Variants in SIX1 observed in about 807,000 individuals in gnomAD.
SIX1 encodes the protein homeobox protein SIX1.
Under a neutral mutation model 26.5 loss-of-function variants are expected in SIX1, and 11 were observed. That is an observed-to-expected ratio of 0.41 (90% confidence interval 0.26 to 0.69). SIX1 has a LOEUF of 0.69. Among genes scored for constraint, SIX1 ranks in the 30% least tolerant of loss-of-function variants. The probability of loss-of-function intolerance (pLI) is 0.28; values close to 1 mark genes in which losing one functional copy is unlikely to be tolerated. For synonymous variants in SIX1, 177 were observed against 166.2 expected, an observed-to-expected ratio of 1.06 and a Z score of -0.50; for missense variants, 333 against 365.9, an observed-to-expected ratio of 0.91 and a Z score of 0.73.
In SIX1 at chr14:60,645,749, T is replaced by C. The variant is rs1894927448; in HGVS notation, c.*534A>G. ...AATTTTTCCTCATCAAAGAAAGTTA[T>C]AGATTGTATTTTTCCTGTTCACCTT... On this transcript the variant is annotated 3_prime_UTR_variant, in exon 2 of 2. Coordinates refer to ENST00000645694, the MANE Select transcript of SIX1 (RefSeq NM_005982.4). This position sits in a 1 kb window ranked among gnomAD's most constrained non-coding sequence, Gnocchi z 4.6. The C allele has an allele frequency of 1.3e-5, 2 of 152,234 alleles. No individual in the cohort carries two copies. The highest frequency in any genetic ancestry group is 2.4e-5 in the African/African-American group (1 of 41,462). 9.4% of individuals were successfully genotyped at this position (152,234 alleles called of 1,614,324 possible).
At position 60,648,983 on chromosome 14, in the gene SIX1, G is replaced by A. The variant is rs1169502259; in HGVS notation, c.207C>T (p.Ile69=). ...HRGNFRELYK[I]LESHQFSPHN... is the part of the protein sequence containing the mutation. ...GAGGCGAGAACTGGTGGCTCTCCAG[G>A]ATCTTGTAGAGCTCACGGAAGTTGC... The change falls in exon 1 of 2, where the codon ATC becomes ATT. Residue 69 remains isoleucine (I), a synonymous_variant. Transcript: ENST00000645694. The surrounding 1 kb of genome is among the most constrained non-coding windows in gnomAD (Gnocchi z 7.9). The A allele has an allele frequency of 5.6e-6, 9 of 1,614,088 alleles. No homozygotes were observed. The highest frequency in any genetic ancestry group is 4.0e-5 in the African/African-American group (3 of 74,942).
In SIX1 at chr14:60,643,769, T is replaced by C. The variant is rs1894896818; in HGVS notation, c.*2514A>G. 6.6e-6 allele frequency: 1 copy of C among 152,234 alleles called. No individual in the cohort carries two copies. Among genetic ancestry groups the C allele is most frequent in the African/African-American group, 2.4e-5 (1 of 41,450 alleles). 9.4% of individuals were successfully genotyped at this position (152,234 alleles called of 1,614,324 possible). On this transcript the variant is annotated 3_prime_UTR_variant, in exon 2 of 2. Transcript: ENST00000645694. ...GCCGAGGATGGCGGAAGGAGGCACA[T>C]TGTGCAATTTCTTATTAAACACATC...
rs758631109 is a variant in SIX1 at position 60,648,778 on chromosome 14, C to G, written c.412G>C (p.Val138Leu). ...SYCFKEKSRG[V>L]LREWYAHNPY... The stretch of plus-strand genomic sequence containing the variant: ...TTGTGCGCGTACCACTCCCGCAGGA[C>G]ACCCCTCGACTTCTCCTTGAAGCAG... The change falls in exon 1 of 2, where the codon GTC (valine) becomes CTC (leucine). Residue 138 changes from valine to leucine, a missense_variant. Physicochemically the swap from Val to Leu is conservative, Grantham distance 32. This residue lies in a region of SIX1 where 199 missense variants were observed against 215.2 expected (regional missense o/e 0.92). Coordinates refer to ENST00000645694, the MANE Select transcript of SIX1 (RefSeq NM_005982.4). This position sits in a 1 kb window ranked among gnomAD's most constrained non-coding sequence, Gnocchi z 7.9. 1 of 1,614,184 alleles carries G rather than the reference C, an allele frequency of 6.2e-7. No individual in the cohort carries two copies. Among genetic ancestry groups the G allele is most frequent in the Non-Finnish European group, 8.5e-7 (1 of 1,180,008 alleles).
rs915194188 is a variant in SIX1 at position 60,646,425 on chromosome 14, A to G, written c.713T>C (p.Met238Thr). 2 of 1,614,048 alleles carry G rather than the reference A, an allele frequency of 1.2e-6. No homozygotes were observed. Among genetic ancestry groups the G allele is most frequent in the Non-Finnish European group, 8.5e-7 (1 of 1,180,016 alleles). ...QNSVLLLQGN[M>T]GHARSSNYSL... The stretch of plus-strand genomic sequence containing the variant: ...ATAGTTTGAGCTCCTGGCGTGGCCC[A>G]TATTGCCCTGCAGCAGAAGGACCGA... The change falls in exon 2 of 2, where the codon ATG (methionine) becomes ACG (threonine). Residue 238 changes from methionine (M) to threonine (T), a missense_variant. By Grantham distance (81) the Met-to-Thr change is moderately conservative. Around this residue, in one of 3 missense-constraint regions of SIX1, gnomAD observed 199 missense variants for 215.2 expected, o/e 0.92. Transcript: ENST00000645694.
rs918769923 is a variant in SIX1 at position 60,647,927 on chromosome 14, G to T, written c.560+703C>A. Among the ~76,000 whole-genome samples the T allele has an allele frequency of 1.3e-5, 2 of 152,248 alleles. No homozygotes were observed. Among genetic ancestry groups the T allele is most frequent in the African/African-American group, 4.8e-5 (2 of 41,468 alleles). On this transcript the variant is annotated intron_variant, in intron 1 of 1. Coordinates refer to ENST00000645694, the MANE Select transcript of SIX1 (RefSeq NM_005982.4). This position sits in a 1 kb window ranked among gnomAD's most constrained non-coding sequence, Gnocchi z 5.1. ...GACTGGAGACCCTTTCCTCGTCTGG[G>T]CATGCGGCGCGGTCAGCCAGACCGA...
Position 60,648,523 on chromosome 14 carries a change from G to A in SIX1, c.560+107C>T, listed in dbSNP as rs1039613398. Reference sequence around the variant, plus strand: ...GCGCGCCGCCCCGTGGACGGGCTCCGGCCGGCGGGGAGGACTTGGTGGCTG... The same window carrying A: ...GCGCGCCGCCCCGTGGACGGGCTCCAGCCGGCGGGGAGGACTTGGTGGCTG... On this transcript the variant is annotated intron_variant, in intron 1 of 1. Transcript: ENST00000645694. The surrounding 1 kb of genome is among the most constrained non-coding windows in gnomAD (Gnocchi z 7.9). 3.4e-6 allele frequency: 4 copies of A among 1,170,670 alleles called. No homozygotes were observed. The highest frequency in any genetic ancestry group is 4.9e-6 in the Non-Finnish European group (4 of 821,050). 72.5% of individuals were successfully genotyped at this position (1,170,670 alleles called of 1,614,324 possible).
Position 60,648,430 on chromosome 14 carries a change from A to T in SIX1, c.560+200T>A, listed in dbSNP as rs796622029. Among the ~76,000 whole-genome samples the T allele has an allele frequency of 3.9e-4, 60 of 152,296 alleles. No homozygotes were observed. The highest frequency in any genetic ancestry group is 1.4e-3 in the African/African-American group (59 of 41,578). The stretch of plus-strand genomic sequence containing the variant: ...ACCCACGCGCGGGTGCTCAAAGCAA[A>T]TGAGGCCCCATCCTTAGCAAGGAAC... On this transcript the variant is annotated intron_variant, in intron 1 of 1. Coordinates refer to ENST00000645694, the MANE Select transcript of SIX1 (RefSeq NM_005982.4). This position sits in a 1 kb window ranked among gnomAD's most constrained non-coding sequence, Gnocchi z 7.9.
At position 60,648,788 on chromosome 14, in the gene SIX1, C is replaced by T. The variant is rs151189392; in HGVS notation, c.402G>A (p.Lys134=). ...GEETSYCFKE[K]SRGVLREWYA... Reference sequence around the variant, plus strand: ...ACCACTCCCGCAGGACACCCCTCGACTTCTCCTTGAAGCAGTAGCTGGTCT... The same window carrying T: ...ACCACTCCCGCAGGACACCCCTCGATTTCTCCTTGAAGCAGTAGCTGGTCT... Residue 134 remains lysine (K), a synonymous_variant, in exon 1 of 2, where the codon AAG becomes AAA. Coordinates refer to ENST00000645694, the MANE Select transcript of SIX1 (RefSeq NM_005982.4). The surrounding 1 kb of genome is among the most constrained non-coding windows in gnomAD (Gnocchi z 7.9). 5.9e-5 allele frequency: 95 copies of T among 1,614,228 alleles called. No homozygotes were observed. The African/African-American group carries it at 1.1e-3, about 18-fold the overall frequency.
In SIX1 at chr14:60,649,080, A is replaced by G; in HGVS notation, c.110T>C (p.Leu37Pro). 1 of 1,613,688 alleles carries G rather than the reference A, an allele frequency of 6.2e-7. No homozygotes were observed. Reference sequence around the variant, plus strand: ...CTTGTGCAGGTGGTCGCAGGCGGGCAGTGACCACAGGAACCTGCCCAGGCG... The same window carrying G: ...CTTGTGCAGGTGGTCGCAGGCGGGCGGTGACCACAGGAACCTGCCCAGGCG... ...LERLGRFLWS[L>P]PACDHLHKNE... is the part of the protein sequence containing the mutation. The change falls in exon 1 of 2, where the codon CTG becomes CCG. Residue 37 changes from leucine to proline, a missense_variant. Transcript: ENST00000645694. The surrounding 1 kb of genome is among the most constrained non-coding windows in gnomAD (Gnocchi z 5.1).
In SIX1 at chr14:60,648,722, C is replaced by T. The variant is rs769379475; in HGVS notation, c.468G>A (p.Glu156=). The T allele has an allele frequency of 6.2e-7, 1 of 1,613,510 alleles. No individual in the cohort carries two copies. The highest frequency in any genetic ancestry group is 1.3e-5 in the African/African-American group (1 of 74,936). Residue 156 remains glutamate, a synonymous_variant, in exon 1 of 2, where the codon GAG becomes GAA. Coordinates refer to ENST00000645694, the MANE Select transcript of SIX1 (RefSeq NM_005982.4). The surrounding 1 kb of genome is among the most constrained non-coding windows in gnomAD (Gnocchi z 7.9). ...TGGTGAGGCCGGTGGCCTCGGCCAG[C>T]TCCCGCTTCTCACGCGGCGATGGGT... ...NPYPSPREKR[E]LAEATGLTTT... is the part of the protein sequence containing the mutation.
chr14:60,646,976 A>G (rs1894954178), intron 1 of SIX1, among the ~76,000 whole-genome samples: 1 of 152,394 alleles, frequency 6.6e-6, no homozygotes, highest in South Asian at 2.1e-4. Flanking sequence ...CTTTCAATAA[A>G]TAGATATTGG....
rs749690789 is a variant in SIX1 at position 60,649,174 on chromosome 14, A to C, written c.16T>G (p.Ser6Ala). 1.9e-6 allele frequency: 3 copies of C among 1,609,326 alleles called. No individual in the cohort carries two copies. The Admixed American group carries it at 5.0e-5, about 27-fold the overall frequency. Residue 6 changes from serine (S) to alanine (A), a missense_variant, in exon 1 of 2, where the codon TCG (serine) becomes GCG (alanine). Transcript: ENST00000645694. This position sits in a 1 kb window ranked among gnomAD's most constrained non-coding sequence, Gnocchi z 5.1. MSMLP[S>A]FGFTQEQVAC... ...ACTTGCTCCTGCGTAAAGCCAAACG[A>C]CGGCAGCATCGACATGGCTGGGGCC...
In SIX1 at chr14:60,643,805, G is replaced by A. The variant is rs1198572359; in HGVS notation, c.*2478C>T. The A allele has an allele frequency of 1.3e-5, 2 of 152,172 alleles. No homozygotes were observed. Among genetic ancestry groups the A allele is most frequent in the African/African-American group, 2.4e-5 (1 of 41,436 alleles). The allele number at this position is 152,172 out of a possible 1,614,324, so 9.4% of individuals were successfully genotyped here. On this transcript the variant is annotated 3_prime_UTR_variant, in exon 2 of 2. Transcript: ENST00000645694. ...CTTATTAAACACATCTGGAATATGC[G>A]CGCTCTGGATTTAGTGCCAGGGGTT...
chr14:60,649,396 C>T lies in SIX1; in HGVS notation c.-207G>A. The stretch of plus-strand genomic sequence containing the variant: ...AGTAGGGGAGGTTCTGGACACGGAA[C>T]GGCCGGCGCACTCAGTAGCCTTTAA... On this transcript the variant is annotated 5_prime_UTR_variant, in exon 1 of 2. Transcript: ENST00000645694. This position sits in a 1 kb window ranked among gnomAD's most constrained non-coding sequence, Gnocchi z 5.1. 1 of 576,702 alleles carries T rather than the reference C, an allele frequency of 1.7e-6. No homozygotes were observed. The highest frequency in any genetic ancestry group is 3.1e-6 in the Non-Finnish European group (1 of 324,140). The allele number at this position is 576,702 out of a possible 1,614,324, so 35.7% of individuals were successfully genotyped here.
Position 60,649,215 on chromosome 14 carries a change from C to A in SIX1, c.-26G>T, listed in dbSNP as rs756474637. 3.6e-5 allele frequency: 58 copies of A among 1,597,464 alleles called. No homozygotes were observed. Among genetic ancestry groups the A allele is most frequent in the Middle Eastern group, 1.7e-4 (1 of 5,788 alleles). ...GGCTGGGGCCTGCCGGGGCGCACGGCCCAGGCGCACGCGGCAGGGAGCAGA... is the reference window on the plus strand; with the variant it reads ...GGCTGGGGCCTGCCGGGGCGCACGGACCAGGCGCACGCGGCAGGGAGCAGA... On this transcript the variant is annotated 5_prime_UTR_variant, in exon 1 of 2. Transcript: ENST00000645694. The surrounding 1 kb of genome is among the most constrained non-coding windows in gnomAD (Gnocchi z 5.1).
intron 1 of SIX1, 98 bp from the exon 2 acceptor site, chr14:60,646,675 G>C: frequency 9.4e-7 from 1 of 1,060,492 alleles, no homozygotes; most frequent in Admixed American, 2.4e-5. Context: ...GGAGCTGGAA[G>C]GAGGAAAGGG....
At position 60,647,182 on chromosome 14, in the gene SIX1, G is replaced by C. The variant is rs1389583581; in HGVS notation, c.561-605C>G. Among the ~76,000 whole-genome samples the C allele has an allele frequency of 6.6e-6, 1 of 152,226 alleles. No individual in the cohort carries two copies. The highest frequency in any genetic ancestry group is 1.5e-5 in the Non-Finnish European group (1 of 68,032). Reference sequence around the variant, plus strand: ...CGGCCCAGTGACCTGAGTAAACACAGGGAGCGCAGCCAGTCTCTGATTTCA... The same window carrying C: ...CGGCCCAGTGACCTGAGTAAACACACGGAGCGCAGCCAGTCTCTGATTTCA... On this transcript the variant is annotated intron_variant, in intron 1 of 1. Coordinates refer to ENST00000645694, the MANE Select transcript of SIX1 (RefSeq NM_005982.4). The surrounding 1 kb of genome is among the most constrained non-coding windows in gnomAD (Gnocchi z 5.1).
intron 1 of SIX1, 107 bp from the exon 2 acceptor site, chr14:60,646,684 G>C: frequency 4.1e-6 from 4 of 978,962 alleles, no homozygotes; most frequent in Non-Finnish European, 6.0e-6. Flanking sequence ...AGGAGGAAAG[G>C]GCCATTGTGC....
At position 60,649,310 on chromosome 14, in the gene SIX1, G is replaced by C. The variant is rs375002099; in HGVS notation, c.-121C>G. 2.7e-3 allele frequency: 2,277 copies of C among 852,416 alleles called. 56 individuals carry two copies. The South Asian group carries it at 0.036, about 14-fold the overall frequency. The allele number at this position is 852,416 out of a possible 1,614,324, so 52.8% of individuals were successfully genotyped here. A position where few individuals can be genotyped will look rare whatever the true frequency, so the allele number is the denominator to read the frequency against. ...GTTCCTAACCTCCTCCTTAGGCTTT[G>C]CAAAGGCGAAAACCGGAGTCGGAAC... On this transcript the variant is annotated 5_prime_UTR_variant, in exon 1 of 2. Coordinates refer to ENST00000645694, the MANE Select transcript of SIX1 (RefSeq NM_005982.4). The surrounding 1 kb of genome is among the most constrained non-coding windows in gnomAD (Gnocchi z 5.1).
Sources: allele counts gnomAD v4.1 joint callset (sites outside exome capture counted in the v4.1 genomes callset), GRCh38; gene constraint gnomAD v4.1.1; regional missense constraint gnomAD v4.1.1; non-coding constraint Gnocchi (gnomAD v3.1); transcripts MANE v1.5; gene names NCBI Gene and HGNC (gene_info 2026-07-23, HGNC 2026-07-21).